The following MTUS2 variants were observed in gnomAD, a reference collection of about 807,000 sequenced individuals.
MTUS2 encodes the protein microtubule-associated tumor suppressor candidate 2.
A neutral mutation model predicts 114.1 loss-of-function variants in MTUS2; 40 were observed. The ratio of observed to expected loss-of-function variants is 0.35; its 90% confidence interval spans 0.27 to 0.46. MTUS2 has a LOEUF of 0.46. Ranked by LOEUF, MTUS2 falls within the 20% of genes least tolerant of loss-of-function variation. The pLI, the probability that MTUS2 is intolerant of heterozygous loss-of-function variation, is 1.00. For missense variants in MTUS2, 1,679 were observed against 1,705.4 expected (o/e 0.98, Z 0.27); for synonymous variants, 688 against 672.0 (o/e 1.02, Z -0.37).
At chr13:29,373,338 T>C (rs1381783975) in intron 8 of MTUS2, among the ~76,000 whole-genome samples, 1 of 152,178 alleles carries the variant, frequency 6.6e-6, no homozygotes, top group Non-Finnish European at 1.5e-5. Flanking sequence ...ACATACCATC[T>C]GTCCACAAAC....
At chr13:29,058,563 ATGC>A (rs201985917) in intron 4 of MTUS2, among the ~76,000 whole-genome samples, 2,239 of 29,264 alleles carry the variant, frequency 0.077, 61 homozygotes, top group African/African-American at 0.18. Context: ...AGCCAGGTTG[ATGC>A]TTTTTTTTTT....
At chr13:28,999,219 G>A (rs958395388) in intron 2 of MTUS2, among the ~76,000 whole-genome samples, 3 of 151,310 alleles carry the variant, frequency 2.0e-5, no homozygotes, top group Admixed American at 6.6e-5. Flanking sequence ...TTGGTGAACC[G>A]CAAATGCTGC....
At chr13:28,868,397 C>T (rs1039833329) in intron 2 of MTUS2, among the ~76,000 whole-genome samples, 2 of 152,152 alleles carry the variant, frequency 1.3e-5, no homozygotes, top group African/African-American at 4.8e-5. Context: ...TCTTTCTCAG[C>T]CTGCTGGGTT....
intron 5 of MTUS2, among the ~76,000 whole-genome samples, chr13:29,276,435 A>G (rs1230422397): frequency 3.3e-5 from 5 of 152,210 alleles, no homozygotes; most frequent in African/African-American, 9.7e-5. Flanking sequence ...GAAGATGACC[A>G]CTGTTCAGCA....
rs1250725814 is a variant in MTUS2, at chr13:29,389,963, C to G, written c.3117+30490C>G. ...TATGTATATGTGTATGTGTATATAT[C>G]TGTGTATATACACATACATGTATGT... On this transcript the variant is annotated intron_variant, in intron 8 of 15. Transcript: ENST00000612955. 4.5e-4 allele frequency among the ~76,000 whole-genome samples: 43 copies of G among 95,862 alleles called. 2 individuals are homozygous for G. Among genetic ancestry groups the G allele is most frequent in the African/African-American group, 1.4e-3 (32 of 22,558 alleles). 62.9% of individuals were successfully genotyped at this position (95,862 alleles called of 152,430 possible). A position where few individuals can be genotyped will look rare whatever the true frequency, so the allele number is the denominator to read the frequency against.
At chr13:29,368,744 G>T (rs1402780461) in intron 8 of MTUS2, among the ~76,000 whole-genome samples, 1 of 152,226 alleles carries the variant, frequency 6.6e-6, no homozygotes, top group African/African-American at 2.4e-5. Flanking sequence ...GTAATGCTGA[G>T]ATCTCCATGA....
chr13:28,905,464 A>AG (rs1226613737), intron 2 of MTUS2, among the ~76,000 whole-genome samples: 8 of 151,500 alleles, frequency 5.3e-5, no homozygotes, highest in Admixed American at 1.3e-4. Context: ...TTTAGCATGA[A>AG]GGTTGTTGAA....
At chr13:29,022,731 T>C (rs1202320823) in intron 2 of MTUS2, among the ~76,000 whole-genome samples, 1 of 152,192 alleles carries the variant, frequency 6.6e-6, no homozygotes, top group African/African-American at 2.4e-5. Context: ...CTATCCCCAG[T>C]GCCTAATAAA....
intron 6 of MTUS2, among the ~76,000 whole-genome samples, chr13:29,299,992 T>C (rs533285682): frequency 2.0e-5 from 3 of 152,210 alleles, no homozygotes; most frequent in Admixed American, 2.0e-4. Flanking sequence ...AAAACCCTAA[T>C]AACCTCATCC....
intron 5 of MTUS2, among the ~76,000 whole-genome samples, chr13:29,264,573 A>T (rs752339345): frequency 6.6e-6 from 1 of 152,108 alleles, no homozygotes; most frequent in African/African-American, 2.4e-5. Context: ...AGGCTTTTCC[A>T]TGCATCCTCT....
At chr13:29,132,215 G>A (rs966380414) in intron 5 of MTUS2, among the ~76,000 whole-genome samples, 1 of 152,276 alleles carries the variant, frequency 6.6e-6, no homozygotes, top group Middle Eastern at 3.4e-3. Flanking sequence ...TGAAGGAATA[G>A]AACTTAACCT....
chr13:29,223,735 G>T lies in MTUS2; in HGVS notation c.2645-57969G>T, dbSNP rs1391619706. 2.6e-5 allele frequency among the ~76,000 whole-genome samples: 4 copies of T among 152,204 alleles called. 1 individual carries two copies. In the South Asian group the frequency reaches 8.3e-4, roughly 32 times the overall value. ...ATGCCCCTTGCTCACCATGTTGGAG[G>T]TGATGAGAAGGAGAGAAGAAAGGAG... On this transcript the variant is annotated intron_variant, in intron 5 of 15. Transcript: ENST00000612955.
chr13:28,850,788 A>C (rs1384286499), intron 2 of MTUS2, among the ~76,000 whole-genome samples: 3 of 152,150 alleles, frequency 2.0e-5, no homozygotes, highest in Non-Finnish European at 4.4e-5. Context: ...TTAAAATCTC[A>C]TGGTGGGTAT....
At chr13:29,292,008 A>T (rs1354542436) in intron 6 of MTUS2, among the ~76,000 whole-genome samples, 5 of 152,224 alleles carry the variant, frequency 3.3e-5, no homozygotes, top group African/African-American at 1.2e-4. Flanking sequence ...CCAGTTTCTA[A>T]AATGAGATCT....
intron 2 of MTUS2, among the ~76,000 whole-genome samples, chr13:28,953,323 A>C (rs552611167): frequency 6.6e-6 from 1 of 152,144 alleles, no homozygotes; most frequent in Non-Finnish European, 1.5e-5. Flanking sequence ...AGCCCGGCCA[A>C]CATGGTAAAA....
At chr13:29,096,835 C>T (rs1323671400) in intron 4 of MTUS2, among the ~76,000 whole-genome samples, 2 of 152,124 alleles carry the variant, frequency 1.3e-5, no homozygotes, top group Admixed American at 6.5e-5. Flanking sequence ...AGTCTTCTCC[C>T]TTTTTCTCTC....
intron 5 of MTUS2, among the ~76,000 whole-genome samples, chr13:29,102,205 TAGC>T (rs1483009677): frequency 6.6e-6 from 1 of 152,230 alleles, no homozygotes; most frequent in East Asian, 1.9e-4. Context: ...ATGTGCATAT[TAGC>T]AGTCTGATGA....
At chr13:29,465,197 A>G (rs1879798928) in intron 9 of MTUS2, among the ~76,000 whole-genome samples, 1 of 152,198 alleles carries the variant, frequency 6.6e-6, no homozygotes, top group South Asian at 2.1e-4. Flanking sequence ...GCTAATATTT[A>G]TTGAATTACT....
At chr13:29,275,999 A>C (rs1427152996) in intron 5 of MTUS2, among the ~76,000 whole-genome samples, 2 of 152,204 alleles carry the variant, frequency 1.3e-5, no homozygotes, top group African/African-American at 4.8e-5. Context: ...TTCTTCTAAG[A>C]GTTATATATT....
Sources: gnomAD v4.1 joint callset for allele counts (sites outside exome capture counted in the v4.1 genomes callset) on GRCh38, gnomAD v4.1.1 for gene constraint, MANE v1.5 for transcripts, NCBI Gene and HGNC (gene_info 2026-07-23, HGNC 2026-07-21) for gene names.